The following PCDH15 variants were observed in gnomAD, a reference collection of about 807,000 sequenced individuals.
PCDH15 encodes protocadherin related 15, also known as protocadherin-15.
In PCDH15, 129 loss-of-function variants were observed where a neutral mutation model predicts 178.5. That is an observed-to-expected ratio of 0.72 (90% CI 0.63 to 0.84). PCDH15 has a LOEUF of 0.84. PCDH15 is among the 40% of genes least tolerant of loss of function. The pLI, the probability that PCDH15 is intolerant of heterozygous loss-of-function variation, is 0.00. For synonymous variants in PCDH15, 800 were observed against 732.0 expected (o/e 1.09, Z -1.50); for missense variants, 2,230 against 2,099.9 (o/e 1.06, Z -1.21).
At chr10:54,864,166 T>C (rs1396408637) in intron 3 of PCDH15, among the ~76,000 whole-genome samples, 1 of 152,156 alleles carries the variant, frequency 6.6e-6, no homozygotes, top group Non-Finnish European at 1.5e-5. Context: ...ACACTTGACA[T>C]CTTTGGCATA....
intron 3 of PCDH15, among the ~76,000 whole-genome samples, chr10:54,894,520 T>C (rs1954515961): frequency 6.6e-6 from 1 of 152,144 alleles, no homozygotes; most frequent in Admixed American, 6.6e-5. Context: ...TAAGAGGTTA[T>C]TCAGATTGAC....
At chr10:54,992,947 T>C (rs755179287) in intron 2 of PCDH15, among the ~76,000 whole-genome samples, 9 of 152,006 alleles carry the variant, frequency 5.9e-5, no homozygotes, top group Admixed American at 5.2e-4. Flanking sequence ...CTGCTCTTTA[T>C]AGAATTGGTT....
intron 5 of PCDH15, 101 bp from the exon 6 acceptor site, chr10:54,346,585 T>G: frequency 7.1e-7 from 1 of 1,400,832 alleles, no homozygotes; most frequent in Non-Finnish European, 1.0e-6. Context: ...TAAAGGAAGA[T>G]ACCAGTTGGC....
chr10:54,124,265 A>G (rs2041808301), intron 15 of PCDH15, among the ~76,000 whole-genome samples: 2 of 152,224 alleles, frequency 1.3e-5, no homozygotes. Flanking sequence ...GATTCCACTT[A>G]TATAAGGTAG....
At chr10:55,073,610 T>C (rs939258163) in intron 2 of PCDH15, among the ~76,000 whole-genome samples, 2 of 152,150 alleles carry the variant, frequency 1.3e-5, no homozygotes, top group African/African-American at 4.8e-5. Flanking sequence ...GTAGTTTTCT[T>C]TCTCGTTGTG....
intron 2 of PCDH15, among the ~76,000 whole-genome samples, chr10:54,658,014 G>T (rs1486014050): frequency 6.6e-6 from 1 of 152,144 alleles, no homozygotes; most frequent in African/African-American, 2.4e-5. Flanking sequence ...TCAAAACATA[G>T]TTGAAAGCTT....
At chr10:54,401,675 G>A (rs918782913) in intron 3 of PCDH15, among the ~76,000 whole-genome samples, 21 of 151,848 alleles carry the variant, frequency 1.4e-4, no homozygotes, top group African/African-American at 4.6e-4. Flanking sequence ...GTAAAACTCA[G>A]TAGCTTAAGG....
intron 2 of PCDH15, among the ~76,000 whole-genome samples, chr10:55,445,849 C>A (rs976114841): frequency 6.6e-6 from 1 of 151,988 alleles, no homozygotes; most frequent in South Asian, 2.1e-4. Context: ...CCCACTACCC[C>A]TCCTGTACCT....
chr10:54,025,814 A>C (rs2093068357), intron 18 of PCDH15, among the ~76,000 whole-genome samples: 1 of 151,988 alleles, frequency 6.6e-6, no homozygotes, highest in African/African-American at 2.4e-5. Context: ...CCATTTTTAA[A>C]GCCAGCAATG....
intron 2 of PCDH15, among the ~76,000 whole-genome samples, chr10:55,570,434 TATTC>T (rs1192263385): frequency 6.6e-6 from 1 of 151,942 alleles, no homozygotes; most frequent in African/African-American, 2.4e-5. Context: ...ATTACTAAAA[TATTC>T]ATTTATTTTT....
At chr10:54,889,296 G>A (rs1274803922) in intron 3 of PCDH15, among the ~76,000 whole-genome samples, 2 of 151,714 alleles carry the variant, frequency 1.3e-5, no homozygotes, top group African/African-American at 4.8e-5. Context: ...CTGTTTTATG[G>A]ATTGTTAGGG....
intron 1 of PCDH15, among the ~76,000 whole-genome samples, chr10:55,263,632 A>G (rs1842203403): frequency 6.6e-6 from 1 of 151,990 alleles, no homozygotes; most frequent in Middle Eastern, 3.2e-3. Flanking sequence ...CACTGGGGGA[A>G]GGATGTAAGG....
At chr10:55,621,445 T>C (rs1302899463) in intron 2 of PCDH15, among the ~76,000 whole-genome samples, 1 of 152,308 alleles carries the variant, frequency 6.6e-6, no homozygotes, top group African/African-American at 2.4e-5. Context: ...TACCTGTTCA[T>C]GGCCTGTTAG....
intron 2 of PCDH15, among the ~76,000 whole-genome samples, chr10:55,453,274 T>C (rs1374604098): frequency 6.6e-6 from 1 of 152,184 alleles, no homozygotes; most frequent in Non-Finnish European, 1.5e-5. Context: ...GTGGATTAGA[T>C]GCCCTCCCAC....
intron 2 of PCDH15, among the ~76,000 whole-genome samples, chr10:55,531,794 T>C (rs1350334042): frequency 6.6e-6 from 1 of 152,044 alleles, no homozygotes; most frequent in East Asian, 1.9e-4. Flanking sequence ...TTGCAACATA[T>C]GACATCACCA....
rs558688920 is a variant in PCDH15 at position 55,199,735 on chromosome 10, A to G, written c.-155-33084T>C. 1.7e-3 allele frequency among the ~76,000 whole-genome samples: 257 copies of G among 152,148 alleles called. 3 individuals carry two copies. Among genetic ancestry groups the G allele is most frequent in the African/African-American group, 5.8e-3 (241 of 41,466 alleles). ...GGCCCAGGGACTTGCTGCTCTTTGC[A>G]GCCTCAGGACATAGCACCCTGCATC... On this transcript the variant is annotated intron_variant, in intron 1 of 5. Transcript: ENST00000458638.
chr10:55,092,756 T>C (rs1842347871), intron 2 of PCDH15, among the ~76,000 whole-genome samples: 1 of 151,974 alleles, frequency 6.6e-6, no homozygotes, highest in African/African-American at 2.4e-5. Flanking sequence ...TCTCATATTG[T>C]ATTTCAATTT....
At chr10:55,064,564 C>T (rs1841516177) in intron 2 of PCDH15, among the ~76,000 whole-genome samples, 1 of 151,892 alleles carries the variant, frequency 6.6e-6, no homozygotes, top group African/African-American at 2.4e-5. Context: ...AGTTTCTGCA[C>T]CTCTGATTCT....
At chr10:54,914,884 A>G (rs999902366) in intron 2 of PCDH15, among the ~76,000 whole-genome samples, 5 of 152,328 alleles carry the variant, frequency 3.3e-5, no homozygotes, top group Admixed American at 1.3e-4. Context: ...ACTCAAGGAC[A>G]TGCCATTATC....
Sources: gnomAD v4.1 joint callset for allele counts (sites outside exome capture counted in the v4.1 genomes callset) on GRCh38, gnomAD v4.1.1 for gene constraint, MANE v1.5 for transcripts, NCBI Gene and HGNC (gene_info 2026-07-23, HGNC 2026-07-21) for gene names.